MCF2L: variants seen among roughly 807,000 people sequenced by gnomAD.
MCF2L encodes the protein MCF.2 cell line derived transforming sequence like, also known as guanine nucleotide exchange factor DBS.
MCF2L carries 97 observed loss-of-function variants against 153.4 expected under a neutral mutation model. That is an observed-to-expected ratio of 0.63 (90% CI 0.54 to 0.75). The LOEUF (loss-of-function observed/expected upper bound fraction) is 0.75. MCF2L is among the 30% of genes least tolerant of loss of function. The pLI is 0.00. For missense variants in MCF2L, 1,347 were observed against 1,495.2 expected (o/e 0.90, Z 1.64); for synonymous variants, 659 against 632.2 (o/e 1.04, Z -0.64).
rs1306041213 is a variant in MCF2L, at chr13:112,951,541, A to G, written c.169+49170A>G. On this transcript the variant is annotated intron_variant, in intron 2 of 29. Transcript: ENST00000375608. The surrounding 1 kb of genome is among the most constrained non-coding windows in gnomAD (Gnocchi z 4.8). ...ACAACCTGGATGAACTCTCCAGAGA[A>G]TTATGCTGAGTGAAAAAAGCCAATT... Among the ~76,000 whole-genome samples the G allele has an allele frequency of 6.6e-6, 1 of 152,230 alleles. No homozygotes were observed. The highest frequency in any genetic ancestry group is 2.4e-5 in the African/African-American group (1 of 41,454).
chr13:113,025,605 G>A (rs1404119541), intron 3 of MCF2L, among the ~76,000 whole-genome samples: 10 of 120,360 alleles, frequency 8.3e-5, no homozygotes, highest in South Asian at 2.5e-4. Context: ...ACTGTGGGTC[G>A]GGGCAGAGTC....
intron 4 of MCF2L, among the ~76,000 whole-genome samples, chr13:113,051,840 G>A (rs2087352462): frequency 6.6e-6 from 1 of 152,074 alleles, no homozygotes; most frequent in South Asian, 2.1e-4. Context: ...TGCCCCCGCT[G>A]CTTACAAAGC....
chr13:113,015,485 C>T (rs1324166069), intron 2 of MCF2L, among the ~76,000 whole-genome samples: 1 of 152,084 alleles, frequency 6.6e-6, no homozygotes, highest in African/African-American at 2.4e-5. Flanking sequence ...GAGGGTGCCC[C>T]GATGCTGAGG....
At chr13:113,018,365 C>A (rs796571274) in intron 2 of MCF2L, among the ~76,000 whole-genome samples, 5 of 152,356 alleles carry the variant, frequency 3.3e-5, no homozygotes, top group African/African-American at 9.6e-5. Flanking sequence ...CGAGACCTGC[C>A]ACCCTACTGT....
chr13:112,927,914 TAGC>T (rs1362685295), intron 2 of MCF2L, among the ~76,000 whole-genome samples: 4 of 152,180 alleles, frequency 2.6e-5, no homozygotes, highest in Admixed American at 6.5e-5. Flanking sequence ...ACTCAGGAAA[TAGC>T]AGCCAATTGC....
chr13:113,044,519 C>T (rs1177190285), intron 3 of MCF2L: 4 of 1,029,772 alleles, frequency 3.9e-6, no homozygotes, highest in Non-Finnish European at 5.7e-6. Context: ...ATTCTAGCCC[C>T]TGCCTTAGGC....
At chr13:112,987,957 T>C (rs994147304) in intron 1 of MCF2L, among the ~76,000 whole-genome samples, 2 of 152,236 alleles carry the variant, frequency 1.3e-5, no homozygotes, top group South Asian at 2.1e-4. Context: ...AATCCTGCTC[T>C]ATATTTTTGT....
At chr13:112,908,066 T>A (rs2140512682) in intron 2 of MCF2L, among the ~76,000 whole-genome samples, 1 of 152,352 alleles carries the variant, frequency 6.6e-6, no homozygotes, top group Non-Finnish European at 1.5e-5. Context: ...CTAATTTTTT[T>A]AAGACATGTG....
chr13:113,044,401 T>A (rs2086676080), intron 3 of MCF2L: 1 of 396,864 alleles, frequency 2.5e-6, no homozygotes, highest in African/African-American at 2.1e-5. Flanking sequence ...TTGTTAATGA[T>A]GCTCACAGAG....
At chr13:113,004,794 G>C (rs4907479) in intron 1 of MCF2L, among the ~76,000 whole-genome samples, 2 of 152,112 alleles carry the variant, frequency 1.3e-5, no homozygotes, top group Non-Finnish European at 2.9e-5. Context: ...CGGACCACGC[G>C]TGTGTTCAGA....
At chr13:113,002,062 G>C in intron 1 of MCF2L, 1 of 1,409,056 alleles carries the variant, frequency 7.1e-7, no homozygotes, top group Non-Finnish European at 9.3e-7. Flanking sequence ...GGCGGGGGTG[G>C]ACGTTCTGGG....
chr13:112,937,131 G>A (rs1324239584), intron 2 of MCF2L, among the ~76,000 whole-genome samples: 1 of 152,054 alleles, frequency 6.6e-6, no homozygotes, highest in South Asian at 2.1e-4. Flanking sequence ...ATGGCTCACT[G>A]CAACCTCTGC....
At position 113,066,164 on chromosome 13, in the gene MCF2L, T is replaced by C. The variant is rs768179675; in HGVS notation, c.875T>C (p.Val292Ala). The change falls in exon 8 of 30, where the codon GTG becomes GCG. Residue 292 changes from valine to alanine, a missense_variant. Physicochemically the swap from Val to Ala is moderately conservative, Grantham distance 64 (BLOSUM62 0). Transcript: ENST00000535094. The stretch of plus-strand genomic sequence containing the variant: ...GACCAGCTTGACAACCAGGCCACCG[T>C]GCAGAGGTGAGGCCCGGCTGCCTTC... ...NQDQLDNQAT[V>A]QRLLAQLNET... 1.9e-6 allele frequency: 3 copies of C among 1,609,928 alleles called. No individual in the cohort carries two copies. The highest frequency in any genetic ancestry group is 4.5e-5 in the East Asian group (2 of 44,682).
chr13:112,946,982 C>T (rs939124349), intron 2 of MCF2L, among the ~76,000 whole-genome samples: 1 of 152,144 alleles, frequency 6.6e-6, no homozygotes, highest in Non-Finnish European at 1.5e-5. Flanking sequence ...TGGTCTCGTG[C>T]GTCCTAAACG....
chr13:113,040,813 C>T (rs1470088889), intron 3 of MCF2L: 3 of 152,282 alleles, frequency 2.0e-5, no homozygotes, highest in Admixed American at 6.5e-5. Flanking sequence ...ATCCCTCACG[C>T]TCTGCTCCTG....
intron 2 of MCF2L, among the ~76,000 whole-genome samples, chr13:112,913,923 GTTC>G (rs2081262274): frequency 6.6e-6 from 1 of 152,154 alleles, no homozygotes; most frequent in Admixed American, 6.5e-5. Context: ...TTGGGACTAT[GTTC>G]TTTTCCTGCC....
chr13:113,075,963 C>T lies in MCF2L; in HGVS notation c.1309-3C>T. On this transcript the variant is annotated splice_polypyrimidine_tract_variant and splice_region_variant and intron_variant, in intron 11 of 29. Coordinates refer to ENST00000535094, the MANE Select transcript of MCF2L (RefSeq NM_001112732.3). ...TGCCCTCGGCAATGCTCTGTGTTTC[C>T]AGTCCATGAAGTGGTGTGATGAAGG... is the stretch of plus-strand genomic sequence containing the variant. 1 of 1,598,820 alleles carries T rather than the reference C, an allele frequency of 6.3e-7. No individual in the cohort carries two copies. The highest frequency in any genetic ancestry group is 8.5e-7 in the Non-Finnish European group (1 of 1,172,180).
Position 113,064,639 on chromosome 13 carries a change from A to C in MCF2L, c.606+219A>C, listed in dbSNP as rs1194725361. On this transcript the variant is annotated intron_variant, in intron 6 of 29. Transcript: ENST00000535094. This position sits in a 1 kb window ranked among gnomAD's most constrained non-coding sequence, Gnocchi z 6.0. Reference sequence around the variant, plus strand: ...GTGGCTTTCTCTGGGCTTGGAGACCAAAAAAAAAAAAAAAACCCTTGCGTT... The same window carrying C: ...GTGGCTTTCTCTGGGCTTGGAGACCCAAAAAAAAAAAAAAACCCTTGCGTT... 2 of 143,780 alleles carry C rather than the reference A, an allele frequency of 1.4e-5. No homozygotes were observed. Among genetic ancestry groups the C allele is most frequent in the Non-Finnish European group, 2.8e-5 (2 of 70,252 alleles). 8.9% of individuals were successfully genotyped at this position (143,780 alleles called of 1,614,324 possible).
chr13:112,940,039 T>C (rs2081559748), intron 2 of MCF2L, among the ~76,000 whole-genome samples: 1 of 150,698 alleles, frequency 6.6e-6, no homozygotes, highest in African/African-American at 2.4e-5. Context: ...GGGGTGGTGA[T>C]TGGGTCAGAG....
Sources: allele counts gnomAD v4.1 joint callset (sites outside exome capture counted in the v4.1 genomes callset), GRCh38; gene constraint gnomAD v4.1.1; non-coding constraint Gnocchi (gnomAD v3.1); transcripts MANE v1.5; gene names NCBI Gene and HGNC (gene_info 2026-07-23, HGNC 2026-07-21).